Variants in PDS5A observed in about 807,000 individuals in gnomAD.
PDS5A encodes the protein PDS5 cohesin associated factor A.
PDS5A carries 42 observed loss-of-function variants against 167.1 expected under a neutral mutation model. That is an observed-to-expected ratio of 0.25 (90% CI 0.20 to 0.33). The LOEUF is 0.33. Among genes scored for constraint, PDS5A ranks in the 10% least tolerant of loss-of-function variants. PDS5A has a pLI of 1.00. For synonymous variants in PDS5A, 553 were observed against 554.6 expected, an observed-to-expected ratio of 1.00 and a Z score of 0.04; for missense variants, 1,033 against 1,605.9, an observed-to-expected ratio of 0.64 and a Z score of 6.10.
rs143960714 is a variant in PDS5A at position 39,965,233 on chromosome 4, G to A, written c.138+11207C>T. ...AACCCTTAGCCCAACTACTCTGCTAGAAAGACTATGTGGAAAACCCTAAAA... is the reference window on the plus strand; with the variant it reads ...AACCCTTAGCCCAACTACTCTGCTAAAAAGACTATGTGGAAAACCCTAAAA... On this transcript the variant is annotated intron_variant, in intron 2 of 32. Coordinates refer to ENST00000303538, the MANE Select transcript of PDS5A (RefSeq NM_001100399.2). Among the ~76,000 whole-genome samples the A allele has an allele frequency of 5.2e-4, 79 of 152,306 alleles. No homozygotes were observed. The East Asian group carries it at 0.013, about 26-fold the overall frequency.
chr4:39,847,419 A>G (rs1717706418), intron 28 of PDS5A: 1 of 152,152 alleles, frequency 6.6e-6, no homozygotes, highest in Admixed American at 6.5e-5. Flanking sequence ...CCTGGCCAAC[A>G]TGATGAAACC....
intron 2 of PDS5A, among the ~76,000 whole-genome samples, chr4:39,930,246 A>AAAAAAAAAAAAAAATTT: frequency 3.2e-5 from 3 of 93,088 alleles, no homozygotes; most frequent in Non-Finnish European, 4.5e-5. Context: ...AAAAAAAAAA[A>AAAAAAAAAAAAAAATTT]GTTTTTTTGT....
At chr4:39,831,516 A>T (rs1290988604) in intron 32 of PDS5A, among the ~76,000 whole-genome samples, 3 of 152,248 alleles carry the variant, frequency 2.0e-5, no homozygotes, top group African/African-American at 7.2e-5. Context: ...ATTTAAAATT[A>T]TGATAAAATA....
At chr4:39,953,462 G>A (rs965720390) in intron 2 of PDS5A, among the ~76,000 whole-genome samples, 24 of 150,840 alleles carry the variant, frequency 1.6e-4, no homozygotes, top group Non-Finnish European at 2.4e-4. Context: ...TGGGAGTGGT[G>A]GCTCACAACT....
At position 39,879,618 on chromosome 4, in the gene PDS5A, A is replaced by T. The variant is rs1578657499; in HGVS notation, c.1992+110T>A. On this transcript the variant is annotated intron_variant, in intron 18 of 32. Transcript: ENST00000303538. ...CATCTAATTTCCAACACAAGTTTTA[A>T]ATCTTTCAAATAGTTTCCTGTGAAA... is the stretch of plus-strand genomic sequence containing the variant. 6.9e-6 allele frequency: 4 copies of T among 579,046 alleles called. No individual in the cohort carries two copies. The East Asian group carries it at 1.1e-4, about 16-fold the overall frequency. The allele number at this position is 579,046 out of a possible 1,614,324, so 35.9% of individuals were successfully genotyped here. A position where few individuals can be genotyped will look rare whatever the true frequency, so the allele number is the denominator to read the frequency against.
intron 2 of PDS5A, among the ~76,000 whole-genome samples, chr4:39,943,641 TACA>T (rs1727447919): frequency 3.1e-5 from 3 of 98,324 alleles, no homozygotes; most frequent in Non-Finnish European, 4.3e-5. Context: ...AAAAAAAAAA[TACA>T]AAAAATACAA....
At chr4:39,905,837 GAAGAA>G (rs1190458118) in intron 11 of PDS5A, among the ~76,000 whole-genome samples, 1 of 149,678 alleles carries the variant, frequency 6.7e-6, no homozygotes, top group African/African-American at 2.5e-5. Flanking sequence ...AAGCAAGGAA[GAAGAA>G]AAGGAAAGGA....
At chr4:39,909,195 G>C (rs937921683) in intron 10 of PDS5A, among the ~76,000 whole-genome samples, 2 of 151,340 alleles carry the variant, frequency 1.3e-5, no homozygotes, top group Non-Finnish European at 2.9e-5. Flanking sequence ...GAGCAATCTC[G>C]GTGCACTGCA....
At chr4:39,839,190 T>C (rs767949222) in intron 31 of PDS5A, among the ~76,000 whole-genome samples, 3 of 152,098 alleles carry the variant, frequency 2.0e-5, no homozygotes, top group Non-Finnish European at 2.9e-5. Context: ...GTTTTGATAA[T>C]AAGAGGTAAC....
chr4:39,830,520 G>T lies in PDS5A; in HGVS notation c.4011-5032C>A, dbSNP rs570236061. ...GCTCACTGCAACCTCCAACCTCCCA[G>T]GTTTAAGCAATTCTCCTGCCTCAGC... On this transcript the variant is annotated intron_variant, in intron 32 of 32. Coordinates refer to ENST00000303538, the MANE Select transcript of PDS5A (RefSeq NM_001100399.2). Among the ~76,000 whole-genome samples, 8 of 152,288 alleles carry T rather than the reference G, an allele frequency of 5.3e-5. No homozygotes were observed. The East Asian group carries it at 1.5e-3, about 29-fold the overall frequency.
At position 39,922,606 on chromosome 4, in the gene PDS5A, T is replaced by C; in HGVS notation, c.654+16A>G. 1 of 1,538,196 alleles carries C rather than the reference T, an allele frequency of 6.5e-7. No individual in the cohort carries two copies. The highest frequency in any genetic ancestry group is 1.3e-5 in the South Asian group (1 of 78,416). On this transcript the variant is annotated intron_variant, in intron 6 of 32. Coordinates refer to ENST00000303538, the MANE Select transcript of PDS5A (RefSeq NM_001100399.2). ...CTGTTAAACATTAACCTTGAATATC[T>C]TCATACTTTACAGACCTTATGTGCA... is the stretch of plus-strand genomic sequence containing the variant.
intron 26 of PDS5A, among the ~76,000 whole-genome samples, chr4:39,861,211 A>G (rs1401163012): frequency 1.3e-5 from 2 of 152,126 alleles, no homozygotes; most frequent in Non-Finnish European, 2.9e-5. Flanking sequence ...CTGTAATCCC[A>G]GCACTTGGGG....
At position 39,838,086 on chromosome 4, in the gene PDS5A, C is replaced by G. The variant is rs781080179; in HGVS notation, c.3780G>C (p.Ser1260=). ...QQKTDEKVDE[S]GPPAPSKPRR... ...TGGGTTTGGAAGGGGCGGGAGGTCCCGATTCATCTACTTTCTCATCTGTTT... is the reference window on the plus strand; with the variant it reads ...TGGGTTTGGAAGGGGCGGGAGGTCCGGATTCATCTACTTTCTCATCTGTTT... The change falls in exon 32 of 33, where the codon TCG becomes TCC. Residue 1260 remains serine (S), a synonymous_variant. Transcript: ENST00000303538. The G allele has an allele frequency of 6.2e-7, 1 of 1,613,882 alleles. No homozygotes were observed.
intron 9 of PDS5A, among the ~76,000 whole-genome samples, chr4:39,913,321 C>G (rs1010101887): frequency 2.6e-5 from 4 of 152,016 alleles, no homozygotes; most frequent in Non-Finnish European, 4.4e-5. Context: ...TCAAGTGATC[C>G]GCCCACCTCA....
At chr4:39,897,246 TTA>T (rs1722494949) in intron 16 of PDS5A, among the ~76,000 whole-genome samples, 1 of 151,980 alleles carries the variant, frequency 6.6e-6, no homozygotes, top group South Asian at 2.1e-4. Flanking sequence ...ATACAAAAAA[TTA>T]GCCAGATGTG....
intron 18 of PDS5A, among the ~76,000 whole-genome samples, chr4:39,878,692 A>G (rs189824700): frequency 1.1e-4 from 16 of 152,322 alleles, no homozygotes; most frequent in Non-Finnish European, 8.8e-5. Context: ...CAATTACTAA[A>G]AACAATTAAA....
chr4:39,866,102 C>T (rs939582511), intron 23 of PDS5A, among the ~76,000 whole-genome samples: 1 of 152,070 alleles, frequency 6.6e-6, no homozygotes, highest in African/African-American at 2.4e-5. Context: ...GTTGCCATTG[C>T]AATTTTTATT....
intron 9 of PDS5A, among the ~76,000 whole-genome samples, chr4:39,911,832 A>G (rs574978903): frequency 2.9e-4 from 32 of 110,372 alleles, no homozygotes; most frequent in African/African-American, 8.4e-4. Context: ...ACTCCGTCTC[A>G]ATTAAAAAAA....
In PDS5A at chr4:39,867,009, T is replaced by G; in HGVS notation, c.2506-12A>C. On this transcript the variant is annotated splice_polypyrimidine_tract_variant and intron_variant, in intron 22 of 32. Transcript: ENST00000303538. The stretch of plus-strand genomic sequence containing the variant: ...TTAATTGCCTGTACCTATAAAATAT[T>G]AACATGCTAAAAAAAGAAAGCAACT... The G allele has an allele frequency of 6.4e-7, 1 of 1,568,460 alleles. No homozygotes were observed. Among genetic ancestry groups the G allele is most frequent in the Admixed American group, 2.0e-5 (1 of 49,472 alleles).
Sources: allele counts gnomAD v4.1 joint callset (sites outside exome capture counted in the v4.1 genomes callset), GRCh38; gene constraint gnomAD v4.1.1; transcripts MANE v1.5; gene names NCBI Gene and HGNC (gene_info 2026-07-23, HGNC 2026-07-21).